PCSK5: variants seen among roughly 807,000 people sequenced by gnomAD.
The protein encoded by PCSK5 is proprotein convertase subtilisin/kexin type 5.
A neutral mutation model predicts 233.2 loss-of-function variants in PCSK5; 129 were observed. That is an observed-to-expected ratio of 0.55 (90% CI 0.48 to 0.64). The LOEUF (loss-of-function observed/expected upper bound fraction) is 0.64, where lower values mean the gene tolerates loss of function less well. Ranked by LOEUF, PCSK5 falls within the 30% of genes least tolerant of loss-of-function variation. The pLI is 0.00. For missense variants in PCSK5, 2,076 were observed against 2,430.1 expected, an observed-to-expected ratio of 0.85 and a Z score of 3.06; for synonymous variants, 825 against 879.2, an observed-to-expected ratio of 0.94 and a Z score of 1.09.
intron 5 of PCSK5, among the ~76,000 whole-genome samples, chr9:76,041,700 T>A (rs747751121): frequency 2.5e-4 from 38 of 151,668 alleles, no homozygotes; most frequent in Admixed American, 7.9e-4. Flanking sequence ...ATTAGCCAGG[T>A]GTGGTGGCTG....
In PCSK5 at chr9:76,330,064, C is replaced by A. The variant is rs138442922; in HGVS notation, c.4570+1825C>A. ...GTTCAGTTTCCCTACTGCATAATTA[C>A]TATTTATTCCCTTGTAACTAATAAG... is the stretch of plus-strand genomic sequence containing the variant. On this transcript the variant is annotated intron_variant, in intron 33 of 37. Coordinates refer to ENST00000674117, the MANE Select transcript of PCSK5 (RefSeq NM_001372043.1). 6.0e-4 allele frequency among the ~76,000 whole-genome samples: 91 copies of A among 152,176 alleles called. 1 individual carries two copies. Among genetic ancestry groups the A allele is most frequent in the African/African-American group, 2.0e-3 (83 of 41,530 alleles).
chr9:76,242,216 C>T (rs986058143), intron 24 of PCSK5, among the ~76,000 whole-genome samples: 3 of 152,036 alleles, frequency 2.0e-5, no homozygotes, highest in Non-Finnish European at 4.4e-5. Flanking sequence ...TTTATCATTT[C>T]GTTGTGCTAG....
At chr9:75,986,675 T>C (rs1826530394) in intron 3 of PCSK5, among the ~76,000 whole-genome samples, 1 of 152,202 alleles carries the variant, frequency 6.6e-6, no homozygotes, top group Admixed American at 6.5e-5. Context: ...TGGTAAGTAA[T>C]AGGCCCCAAA....
At chr9:76,323,015 C>T in intron 31 of PCSK5, 37 bp from the exon 32 acceptor site, 1 of 1,089,302 alleles carries the variant, frequency 9.2e-7, no homozygotes, top group Non-Finnish European at 1.3e-6. Context: ...TTTCTCCTAC[C>T]CCCCGGGGAT....
chr9:76,120,949 T>C (rs1832607494), intron 9 of PCSK5, among the ~76,000 whole-genome samples: 1 of 152,136 alleles, frequency 6.6e-6, no homozygotes, highest in Admixed American at 6.5e-5. Context: ...CCAGGATTGT[T>C]GCTAGGATTA....
intron 1 of PCSK5, among the ~76,000 whole-genome samples, chr9:75,929,797 G>A (rs1382285493): frequency 6.6e-6 from 1 of 152,020 alleles, no homozygotes; most frequent in Non-Finnish European, 1.5e-5. Flanking sequence ...TCACATGACA[G>A]CAGACAAGAG....
At chr9:75,918,352 G>C (rs1264513154) in intron 1 of PCSK5, among the ~76,000 whole-genome samples, 1 of 152,158 alleles carries the variant, frequency 6.6e-6, no homozygotes, top group East Asian at 1.9e-4. Context: ...GGCTGAGCAG[G>C]TGATGACTAG....
At chr9:75,956,644 G>C (rs1005909823) in intron 2 of PCSK5, among the ~76,000 whole-genome samples, 4 of 152,084 alleles carry the variant, frequency 2.6e-5, no homozygotes, top group African/African-American at 9.7e-5. Flanking sequence ...TAAGATTTAA[G>C]ATATAAACTA....
chr9:76,323,499 T>G (rs756914625), intron 32 of PCSK5, among the ~76,000 whole-genome samples: 6 of 152,104 alleles, frequency 3.9e-5, no homozygotes, highest in Non-Finnish European at 5.9e-5. Context: ...TCCTCCCACC[T>G]CAGCCTCCAG....
intron 32 of PCSK5, 82 bp downstream of exon 32, chr9:76,323,370 A>G (rs1829267963): frequency 2.5e-6 from 2 of 795,506 alleles, no homozygotes; most frequent in South Asian, 1.8e-5. Context: ...TGTCATCTCA[A>G]TCTTTTTTTT....
At chr9:75,906,558 A>C (rs536944015) in intron 1 of PCSK5, among the ~76,000 whole-genome samples, 89 of 152,296 alleles carry the variant, frequency 5.8e-4, no homozygotes, top group Non-Finnish European at 1.1e-3. Flanking sequence ...CTCCAACCAC[A>C]TGGTAGTCTG....
At chr9:76,353,996 T>C (rs2131528577) in intron 36 of PCSK5, 37 bp from the exon 37 acceptor site, 1 of 1,517,282 alleles carries the variant, frequency 6.6e-7, no homozygotes, top group South Asian at 1.2e-5. Flanking sequence ...GTTAATCCCT[T>C]TACACTCAAA....
chr9:76,134,168 A>T lies in PCSK5; in HGVS notation c.1268A>T (p.His423Leu). 6.2e-7 allele frequency: 1 copy of T among 1,610,490 alleles called. No homozygotes were observed. Among genetic ancestry groups the T allele is most frequent in the South Asian group, 1.1e-5 (1 of 90,568 alleles). The change falls in exon 10 of 38, where the codon CAT (histidine) becomes CTT (leucine). Residue 423 changes from histidine (H) to leucine (L), a missense_variant. Physicochemically the swap from His to Leu is moderately conservative, Grantham distance 99. Transcript: ENST00000674117. Reference sequence around the variant, plus strand: ...ATTGTCAGGACTTCCCGTGCGGGACATTTGAACGCTAATGACTGGAAAACC... The same window carrying T: ...ATTGTCAGGACTTCCCGTGCGGGACTTTTGAACGCTAATGACTGGAAAACC... ...HVIVRTSRAG[H>L]LNANDWKTNA...
chr9:76,058,137 C>T (rs1302190624), intron 5 of PCSK5, among the ~76,000 whole-genome samples: 1 of 152,168 alleles, frequency 6.6e-6, no homozygotes, highest in Non-Finnish European at 1.5e-5. Context: ...GATATTGCAA[C>T]CATGCCCGAC....
At chr9:76,269,079 A>C (rs1237896008) in intron 24 of PCSK5, among the ~76,000 whole-genome samples, 4 of 152,240 alleles carry the variant, frequency 2.6e-5, no homozygotes, top group African/African-American at 9.6e-5. Context: ...CTGAGGCCAC[A>C]GGGCATCCCC....
chr9:76,218,531 A>C (rs528361384), intron 20 of PCSK5, among the ~76,000 whole-genome samples: 1 of 150,696 alleles, frequency 6.6e-6, no homozygotes, highest in Admixed American at 6.6e-5. Context: ...TGAGACCCCT[A>C]ACTACCCTAC....
At chr9:76,293,432 A>T (rs1828338395) in intron 25 of PCSK5, among the ~76,000 whole-genome samples, 1 of 151,858 alleles carries the variant, frequency 6.6e-6, no homozygotes, top group Non-Finnish European at 1.5e-5. Context: ...CTCCTGACCC[A>T]CTTTGTTTTT....
chr9:76,130,839 A>C (rs1457306909), intron 9 of PCSK5, among the ~76,000 whole-genome samples: 1 of 152,096 alleles, frequency 6.6e-6, no homozygotes, highest in East Asian at 1.9e-4. Context: ...GCATAACTAC[A>C]TGTGATTTAT....
At chr9:76,266,215 G>C (rs1827327306) in intron 24 of PCSK5, among the ~76,000 whole-genome samples, 5 of 152,032 alleles carry the variant, frequency 3.3e-5, no homozygotes, top group Admixed American at 2.6e-4. Context: ...ATAGTCCCTG[G>C]AAATATTCAT....
Sources: allele counts gnomAD v4.1 joint callset (sites outside exome capture counted in the v4.1 genomes callset), GRCh38; gene constraint gnomAD v4.1.1; transcripts MANE v1.5; gene names NCBI Gene and HGNC (gene_info 2026-07-23, HGNC 2026-07-21).